The following DIAPH2 variants were observed in gnomAD, a reference collection of about 807,000 sequenced individuals.
The protein encoded by DIAPH2 is protein diaphanous homolog 2.
In DIAPH2, 35 loss-of-function variants were observed where a neutral mutation model predicts 92.7. The observed-to-expected ratio is 0.38, with a 90% CI of 0.29 to 0.50. The LOEUF is 0.50. DIAPH2 is among the 20% of genes least tolerant of loss of function. The pLI is 0.94. For missense variants in DIAPH2, 701 were observed against 819.5 expected (o/e 0.86, Z 1.77); for synonymous variants, 301 against 280.4 (o/e 1.07, Z -0.73).
chrX:96,718,332 C>CTTT (rs1569373693), intron 1 of DIAPH2, among the ~76,000 whole-genome samples: 5 of 6,829 alleles, frequency 7.3e-4, no homozygotes, highest in East Asian at 7.9e-3. Flanking sequence ...ACCACATTTT[C>CTTT]TTTGTTTTTT....
At chrX:97,252,771 G>A (rs1026406916) in intron 23 of DIAPH2, among the ~76,000 whole-genome samples, 1 of 110,292 alleles carries the variant, frequency 9.1e-6, no homozygotes, top group Admixed American at 9.8e-5. Context: ...ATTTTCTGGT[G>A]CCTAAAGAAA....
At chrX:97,046,801 G>T (rs752285152) in intron 17 of DIAPH2, among the ~76,000 whole-genome samples, 115 of 111,486 alleles carry the variant, frequency 1.0e-3, no homozygotes, top group African/African-American at 3.6e-3. Context: ...AATGATGGAT[G>T]GTGGGTCAAA....
At chrX:97,453,240 G>A (rs940721104) in intron 26 of DIAPH2, among the ~76,000 whole-genome samples, 3 of 110,608 alleles carry the variant, frequency 2.7e-5, no homozygotes, top group Non-Finnish European at 5.7e-5. Context: ...TTATTTGAAC[G>A]TAAGAATGTA....
At chrX:96,852,803 T>G (rs2147714345) in intron 4 of DIAPH2, among the ~76,000 whole-genome samples, 1 of 112,202 alleles carries the variant, frequency 8.9e-6, no homozygotes, top group South Asian at 3.7e-4. Flanking sequence ...GATCCTTTAG[T>G]AAATTGACCA....
At chrX:97,306,677 A>T (rs765413511) in intron 23 of DIAPH2, among the ~76,000 whole-genome samples, 84 of 111,308 alleles carry the variant, frequency 7.5e-4, no homozygotes, top group African/African-American at 2.4e-3. Context: ...ATTTCTTTGT[A>T]TCTGGGTGGT....
At chrX:97,110,269 A>G (rs2066970181) in intron 20 of DIAPH2, among the ~76,000 whole-genome samples, 1 of 110,488 alleles carries the variant, frequency 9.1e-6, no homozygotes, top group African/African-American at 3.3e-5. Context: ...CAATGACCTT[A>G]CCTCCCATAG....
At chrX:96,816,312 G>T (rs2147669300) in intron 4 of DIAPH2, among the ~76,000 whole-genome samples, 1 of 112,080 alleles carries the variant, frequency 8.9e-6, no homozygotes, top group South Asian at 3.7e-4. Flanking sequence ...ATCATTTGGA[G>T]ATACTGACAT....
At chrX:97,429,857 T>C in intron 26 of DIAPH2, 112 bp downstream of exon 26, 2 of 737,986 alleles carry the variant, frequency 2.7e-6, no homozygotes, top group Non-Finnish European at 3.8e-6. Context: ...GAAGACTTTT[T>C]TTAACAGTTG....
chrX:97,051,980 A>G (rs757859072), intron 17 of DIAPH2, among the ~76,000 whole-genome samples: 1 of 112,092 alleles, frequency 8.9e-6, no homozygotes, highest in Non-Finnish European at 1.9e-5. Flanking sequence ...AATTCAAACA[A>G]TTTATTGAAC....
At chrX:97,375,311 C>G (rs941267048) in intron 24 of DIAPH2, among the ~76,000 whole-genome samples, 1 of 111,163 alleles carries the variant, frequency 9.0e-6, no homozygotes, top group African/African-American at 3.3e-5. Flanking sequence ...CAAAAATTAC[C>G]TGGGCGTCGT....
intron 17 of DIAPH2, among the ~76,000 whole-genome samples, chrX:96,967,547 G>T (rs1422807409): frequency 9.1e-6 from 1 of 109,493 alleles, no homozygotes; most frequent in Non-Finnish European, 1.9e-5. Context: ...AGCTTCCCGA[G>T]TATCTGGGAT....
chrX:97,062,846 A>G (rs2066608324), intron 17 of DIAPH2, among the ~76,000 whole-genome samples: 1 of 107,995 alleles, frequency 9.3e-6, no homozygotes, highest in African/African-American at 3.4e-5. Flanking sequence ...CAGCCTGGCC[A>G]ACATGGTGAA....
chrX:97,173,077 A>AC (rs1404903009), intron 22 of DIAPH2, among the ~76,000 whole-genome samples: 2 of 112,733 alleles, frequency 1.8e-5, no homozygotes, highest in African/African-American at 6.4e-5. Context: ...ATTTTCATAT[A>AC]CCAAGATTCT....
At position 96,972,256 on chromosome X, in the gene DIAPH2, A is replaced by G. The variant is rs188931764; in HGVS notation, c.2050+7049A>G. On this transcript the variant is annotated intron_variant, in intron 17 of 26. Coordinates refer to ENST00000324765, the MANE Select transcript of DIAPH2 (RefSeq NM_006729.5). ...CCTCTGTCCTCACTACGTGTACTGT[A>G]AAGCACTACAAGTCTATTTTTCAGG... Among the ~76,000 whole-genome samples the G allele has an allele frequency of 1.6e-4, 18 of 111,897 alleles. No individual in the cohort carries two copies. In the East Asian group the frequency reaches 3.9e-3, roughly 24 times the overall value.
chrX:96,816,237 C>T (rs751813105), intron 4 of DIAPH2, among the ~76,000 whole-genome samples: 2 of 112,054 alleles, frequency 1.8e-5, no homozygotes, highest in African/African-American at 6.5e-5. Context: ...CATCTATGGA[C>T]ATTTAGCTTG....
intron 26 of DIAPH2, among the ~76,000 whole-genome samples, chrX:97,528,172 T>C (rs1011972393): frequency 2.7e-5 from 3 of 112,622 alleles, no homozygotes; most frequent in Non-Finnish European, 5.6e-5. Flanking sequence ...TAAATAGAGA[T>C]AAAAGTTGCA....
intron 15 of DIAPH2, among the ~76,000 whole-genome samples, chrX:96,955,671 C>G (rs1204912360): frequency 1.8e-5 from 2 of 111,977 alleles, no homozygotes; most frequent in Admixed American, 9.4e-5. Flanking sequence ...TTGGCCAAAA[C>G]AAAGGGACTG....
Position 96,931,758 on chromosome X carries a change from G to T in DIAPH2, c.1089+915G>T, listed in dbSNP as rs141059384. On this transcript the variant is annotated intron_variant, in intron 10 of 26. Transcript: ENST00000324765. ...ATGTAGCATAAATTTGTAACATATG[G>T]TGGGATACTTTTAACTGAAACTAGT... Among the ~76,000 whole-genome samples, 667 of 111,285 alleles carry T rather than the reference G, an allele frequency of 6.0e-3. 11 individuals carry two copies. The highest frequency in any genetic ancestry group is 0.021 in the African/African-American group (633 of 30,662).
At chrX:97,239,362 T>C (rs759905705) in intron 22 of DIAPH2, among the ~76,000 whole-genome samples, 3 of 111,786 alleles carry the variant, frequency 2.7e-5, no homozygotes, top group African/African-American at 6.5e-5. Context: ...AGGGAAAAAG[T>C]ATATGTATAT....
Sources: allele counts gnomAD v4.1 joint callset (sites outside exome capture counted in the v4.1 genomes callset), GRCh38; gene constraint gnomAD v4.1.1; transcripts MANE v1.5; gene names NCBI Gene and HGNC (gene_info 2026-07-23, HGNC 2026-07-21).